Variants in NETO1 observed in about 807,000 individuals in gnomAD.
NETO1 encodes the protein neuropilin and tolloid-like protein 1.
NETO1 carries 26 observed loss-of-function variants against 61.3 expected under a neutral mutation model. That is an observed-to-expected ratio of 0.42 (90% CI 0.31 to 0.59). NETO1 has a LOEUF of 0.59. Ranked by LOEUF, NETO1 falls within the 20% of genes least tolerant of loss-of-function variation. The pLI is 0.12. For synonymous variants in NETO1, 225 were observed against 225.8 expected (o/e 1.00, Z 0.03); for missense variants, 531 against 662.8 (o/e 0.80, Z 2.18).
At chr18:72,829,874 T>A (rs956980270) in intron 4 of NETO1, among the ~76,000 whole-genome samples, 12 of 152,190 alleles carry the variant, frequency 7.9e-5, no homozygotes, top group Non-Finnish European at 1.6e-4. Context: ...TATATAAGTA[T>A]GAAGTTCTGG....
intron 4 of NETO1, among the ~76,000 whole-genome samples, chr18:72,812,949 A>G (rs1326961278): frequency 1.3e-5 from 2 of 152,226 alleles, no homozygotes; most frequent in African/African-American, 4.8e-5. Flanking sequence ...TAAAGTAATA[A>G]AAGATATTGA....
chr18:72,772,439 G>T (rs1278245078), intron 7 of NETO1, among the ~76,000 whole-genome samples: 1 of 151,942 alleles, frequency 6.6e-6, no homozygotes, highest in Non-Finnish European at 1.5e-5. Flanking sequence ...TCTAAATCTG[G>T]TGCAGACCCT....
chr18:72,863,126 T>C (rs2074630028), intron 3 of NETO1, among the ~76,000 whole-genome samples: 1 of 152,194 alleles, frequency 6.6e-6, no homozygotes, highest in African/African-American at 2.4e-5. Flanking sequence ...TCCAACATAA[T>C]GTTCAAGATT....
chr18:72,771,758 AT>A (rs2071359124), intron 7 of NETO1, among the ~76,000 whole-genome samples: 1 of 152,180 alleles, frequency 6.6e-6, no homozygotes. Context: ...TTTAAGTAAT[AT>A]GTTAAAATTG....
At chr18:72,762,016 C>T (rs2070990675) in intron 7 of NETO1, among the ~76,000 whole-genome samples, 1 of 152,064 alleles carries the variant, frequency 6.6e-6, no homozygotes, top group Admixed American at 6.5e-5. Flanking sequence ...TACTTGTTTA[C>T]CACTTAAAAT....
Position 72,746,962 on chromosome 18 carries a change from CTGAGAA to C in NETO1, c.*1211_*1216del. Among the ~76,000 whole-genome samples the C allele has an allele frequency of 6.6e-6, 1 of 151,610 alleles. No individual in the cohort carries two copies. Among genetic ancestry groups the C allele is most frequent in the East Asian group, 1.9e-4 (1 of 5,182 alleles). On this transcript the variant is annotated 3_prime_UTR_variant, in exon 11 of 11. Transcript: ENST00000327305. ...AAGCTTTCAGGTGTATTATGTGTAC[CTGAGAA>C]TAAGAATAATTCATAATGGTGGTTT...
intron 4 of NETO1, among the ~76,000 whole-genome samples, chr18:72,826,631 G>C (rs894985013): frequency 3.9e-5 from 6 of 152,042 alleles, no homozygotes; most frequent in African/African-American, 1.4e-4. Flanking sequence ...ACTATGGACT[G>C]TATTTCTGTT....
chr18:72,796,087 C>T (rs772003001), intron 4 of NETO1, among the ~76,000 whole-genome samples: 1 of 152,170 alleles, frequency 6.6e-6, no homozygotes, highest in Non-Finnish European at 1.5e-5. Flanking sequence ...TTTTATGAGA[C>T]ATTGCTCAAC....
At chr18:72,774,395 T>A (rs1178608351) in intron 7 of NETO1, among the ~76,000 whole-genome samples, 1 of 152,194 alleles carries the variant, frequency 6.6e-6, no homozygotes, top group East Asian at 1.9e-4. Context: ...CCTATCATAA[T>A]TGGTTATGAA....
chr18:72,865,729 C>A, intron 1 of NETO1: 3 of 1,506,066 alleles, frequency 2.0e-6, no homozygotes, highest in South Asian at 1.3e-5. Flanking sequence ...TAGACAAATC[C>A]TACAGACTGT....
intron 7 of NETO1, among the ~76,000 whole-genome samples, chr18:72,777,282 G>C (rs1216430133): frequency 6.6e-6 from 1 of 152,122 alleles, no homozygotes; most frequent in African/African-American, 2.4e-5. Context: ...GCCTGGTGTA[G>C]TGGTGTATGC....
At chr18:72,752,160 A>C (rs2070641327) in intron 8 of NETO1, 1 of 152,174 alleles carries the variant, frequency 6.6e-6, no homozygotes, top group African/African-American at 2.4e-5. Context: ...GAGCTAGGAG[A>C]GTAACAGCTA....
intron 8 of NETO1, among the ~76,000 whole-genome samples, chr18:72,753,909 T>C (rs2070704835): frequency 6.6e-6 from 1 of 152,190 alleles, no homozygotes; most frequent in Non-Finnish European, 1.5e-5. Context: ...AGAAGGATTA[T>C]ATAAAAAGTT....
At chr18:72,825,212 A>G (rs2073337681) in intron 4 of NETO1, among the ~76,000 whole-genome samples, 1 of 152,248 alleles carries the variant, frequency 6.6e-6, no homozygotes, top group African/African-American at 2.4e-5. Context: ...TACATCTCAG[A>G]GCCCTAACCT....
chr18:72,793,164 T>C (rs935436233), intron 6 of NETO1, among the ~76,000 whole-genome samples: 3 of 152,116 alleles, frequency 2.0e-5, no homozygotes, highest in South Asian at 2.1e-4. Context: ...CTTTATAGAG[T>C]CACAAAATCA....
At chr18:72,856,271 T>G (rs1054529184) in intron 4 of NETO1, among the ~76,000 whole-genome samples, 4 of 152,274 alleles carry the variant, frequency 2.6e-5, no homozygotes, top group Admixed American at 1.3e-4. Flanking sequence ...TAGAAATAAC[T>G]ACAACTCCTA....
chr18:72,786,754 T>C (rs1040312869), intron 6 of NETO1, among the ~76,000 whole-genome samples: 2 of 151,970 alleles, frequency 1.3e-5, no homozygotes, highest in African/African-American at 2.4e-5. Flanking sequence ...TATATATGCA[T>C]CTAAAAATGT....
intron 8 of NETO1, among the ~76,000 whole-genome samples, chr18:72,755,825 T>G (rs1416930960): frequency 2.0e-5 from 3 of 152,086 alleles, no homozygotes; most frequent in Non-Finnish European, 4.4e-5. Flanking sequence ...GTACTGAGGA[T>G]AGTCCACTGT....
At chr18:72,758,385 TTGTG>T (rs71166416) in intron 7 of NETO1, among the ~76,000 whole-genome samples, 5,342 of 142,862 alleles carry the variant, frequency 0.037, 328 homozygotes, top group African/African-American at 0.13. Context: ...TTTTTTTTCT[TTGTG>T]TGTGTGTGTG....
Sources: allele counts gnomAD v4.1 joint callset (sites outside exome capture counted in the v4.1 genomes callset), GRCh38; gene constraint gnomAD v4.1.1; transcripts MANE v1.5; gene names NCBI Gene and HGNC (gene_info 2026-07-23, HGNC 2026-07-21).